The following MPO variants were observed in gnomAD, a reference collection of about 807,000 sequenced individuals.
The protein encoded by MPO is myeloperoxidase.
MPO carries 57 observed loss-of-function variants against 69.4 expected under a neutral mutation model. That is an observed-to-expected ratio of 0.82 (90% CI 0.66 to 1.02). MPO has a LOEUF of 1.02. Ranked by LOEUF, MPO falls within the 50% of genes least tolerant of loss-of-function variation. The probability of loss-of-function intolerance (pLI) is 0.00; values close to 1 mark genes in which losing one functional copy is unlikely to be tolerated. For synonymous variants in MPO, 426 were observed against 417.1 expected (o/e 1.02, Z -0.26); for missense variants, 971 against 1,014.1 (o/e 0.96, Z 0.58).
chr17:58,279,612 G>A lies in MPO; in HGVS notation c.459C>T (p.Ser153=). 1 of 1,614,160 alleles carries A rather than the reference G, an allele frequency of 6.2e-7. No homozygotes were observed. Among genetic ancestry groups the A allele is most frequent in the Non-Finnish European group, 8.5e-7 (1 of 1,180,050 alleles). ...VLTPAQLNVL[S]KSSGCAYQDV... is the part of the protein sequence containing the mutation. ...CCTGGTAGGCGCAGCCGCTTGACTTGGACAACACATTCAGCTGGGCGGGCG... is the reference window on the plus strand; with the variant it reads ...CCTGGTAGGCGCAGCCGCTTGACTTAGACAACACATTCAGCTGGGCGGGCG... Residue 153 remains serine, a synonymous_variant, in exon 4 of 12, where the codon TCC becomes TCT. Transcript: ENST00000225275.
chr17:58,271,716 C>G lies in MPO; in HGVS notation c.1969G>C (p.Val657Leu). 3.1e-6 allele frequency: 5 copies of G among 1,614,014 alleles called. No individual in the cohort carries two copies. The highest frequency in any genetic ancestry group is 4.2e-6 in the Non-Finnish European group (5 of 1,180,042). The stretch of plus-strand genomic sequence containing the variant: ...ATGATGCAGGCGAGGAGTGGGCCCA[C>G]GCGGCCTTTGCGCTTCAGAGGCTCG... ...VSEPLKRKGR[V>L]GPLLACIIGT... Residue 657 changes from valine to leucine, a missense_variant, in exon 11 of 12, where the codon GTG (valine) becomes CTG (leucine). By Grantham distance (32) the Val-to-Leu change is conservative. Coordinates refer to ENST00000225275, the MANE Select transcript of MPO (RefSeq NM_000250.2).
At chr17:58,274,053 T>C (rs1970403318) in intron 8 of MPO, 1 of 412,346 alleles carries the variant, frequency 2.4e-6, no homozygotes, top group African/African-American at 2.1e-5. Context: ...GCAACTATCT[T>C]ATAAAGTCCT....
In MPO at chr17:58,270,828, T is replaced by C; in HGVS notation, c.2066A>G (p.Gln689Arg). The C allele has an allele frequency of 6.2e-7, 1 of 1,613,848 alleles. No individual in the cohort carries two copies. The highest frequency in any genetic ancestry group is 8.5e-7 in the Non-Finnish European group (1 of 1,180,026). ...GATCTGGGCCAGGGCCTGTCGCTGC[T>C]GCATGCTGAACACACCCTCGTTCTC... is the stretch of plus-strand genomic sequence containing the variant. ...WWENEGVFSM[Q>R]QRQALAQISL... The change falls in exon 12 of 12, where the codon CAG becomes CGG. Residue 689 changes from glutamine to arginine, a missense_variant. By Grantham distance (43) the Gln-to-Arg change is conservative (BLOSUM62 1). Coordinates refer to ENST00000225275, the MANE Select transcript of MPO (RefSeq NM_000250.2). This position sits in a 1 kb window ranked among gnomAD's most constrained non-coding sequence, Gnocchi z 4.1.
chr17:58,274,081 G>T, intron 8 of MPO: 4 of 442,418 alleles, frequency 9.0e-6, no homozygotes, highest in South Asian at 6.5e-5. Context: ...AAGGGAAATT[G>T]AAGTTGTTGA....
At chr17:58,278,547 T>C (rs1310986810) in intron 6 of MPO, among the ~76,000 whole-genome samples, 1 of 152,076 alleles carries the variant, frequency 6.6e-6, no homozygotes, top group Admixed American at 6.6e-5. Context: ...TCGACCACCC[T>C]GCCCACTCCC....
rs1435559140 is a variant in MPO at position 58,270,537 on chromosome 17, A to G, written c.*119T>C. On this transcript the variant is annotated 3_prime_UTR_variant, in exon 12 of 12. Coordinates refer to ENST00000225275, the MANE Select transcript of MPO (RefSeq NM_000250.2). The surrounding 1 kb of genome is among the most constrained non-coding windows in gnomAD (Gnocchi z 4.1). ...TGAGCACACAAATGAACGTCTAGTCACTCATTTTCTCAGCTGCACCCAGAA... is the reference window on the plus strand; with the variant it reads ...TGAGCACACAAATGAACGTCTAGTCGCTCATTTTCTCAGCTGCACCCAGAA... 2.4e-6 allele frequency: 2 copies of G among 834,292 alleles called. No individual in the cohort carries two copies. The highest frequency in any genetic ancestry group is 4.0e-5 in the Admixed American group (2 of 49,870). 51.7% of individuals were successfully genotyped at this position (834,292 alleles called of 1,614,324 possible).
In MPO at chr17:58,270,435, A is replaced by G; in HGVS notation, c.*221T>C. 6.9e-6 allele frequency: 4 copies of G among 580,206 alleles called. No homozygotes were observed. The highest frequency in any genetic ancestry group is 5.0e-5 in the Admixed American group (2 of 40,104). 35.9% of individuals were successfully genotyped at this position (580,206 alleles called of 1,614,324 possible). A position where few individuals can be genotyped will look rare whatever the true frequency, so the allele number is the denominator to read the frequency against. ...ACACACTCACATAAATGGCACATACACATAACCCATGAAACACTCCCCATG... is the reference window on the plus strand; with the variant it reads ...ACACACTCACATAAATGGCACATACGCATAACCCATGAAACACTCCCCATG... On this transcript the variant is annotated 3_prime_UTR_variant, in exon 12 of 12. Coordinates refer to ENST00000225275, the MANE Select transcript of MPO (RefSeq NM_000250.2). This position sits in a 1 kb window ranked among gnomAD's most constrained non-coding sequence, Gnocchi z 4.1.
chr17:58,271,619 G>A (rs771269054), intron 11 of MPO, 36 bp downstream of exon 11: 1 of 1,603,306 alleles, frequency 6.2e-7, no homozygotes, highest in Admixed American at 1.7e-5. Context: ...TGGGCCCACA[G>A]CCACCCAGCG....
chr17:58,279,666 T>TG lies in MPO; in HGVS notation c.425-21dup, dbSNP rs1358172885. The TG allele has an allele frequency of 1.9e-6, 3 of 1,613,816 alleles. No homozygotes were observed. Among genetic ancestry groups the TG allele is most frequent in the Admixed American group, 1.7e-5 (1 of 59,994 alleles). On this transcript the variant is annotated intron_variant, in intron 3 of 11. Coordinates refer to ENST00000225275, the MANE Select transcript of MPO (RefSeq NM_000250.2). ...GCACATCTGCCGGGGGAAAGAACAA[T>TG]GGGGGAGCTGAGCCGCCTCACTTCC...
Position 58,272,815 on chromosome 17 carries a change from C to A in MPO, c.1725G>T (p.Gln575His), listed in dbSNP as rs1226246871. ...VDEIRERLFE[Q>H]VMRIGLDLPA... ...GCAGGTCCAGCCCAATCCTCATGAC[C>A]TGCTCAAACAATCGCTCCCGGATCT... Residue 575 changes from glutamine to histidine, a missense_variant, in exon 10 of 12, where the codon CAG becomes CAT. Physicochemically the swap from Gln to His is conservative, Grantham distance 24 (BLOSUM62 0). Transcript: ENST00000225275. 1 of 1,614,232 alleles carries A rather than the reference C, an allele frequency of 6.2e-7. No individual in the cohort carries two copies. The highest frequency in any genetic ancestry group is 1.7e-5 in the Admixed American group (1 of 60,036).
chr17:58,275,503 C>T lies in MPO; in HGVS notation c.1365+39G>A. The stretch of plus-strand genomic sequence containing the variant: ...ACACAGCTAGGATGTTGCAGGGACA[C>T]ATCTGGATCCCGTGTGCCCGGTGTT... On this transcript the variant is annotated intron_variant, in intron 8 of 11. Coordinates refer to ENST00000225275, the MANE Select transcript of MPO (RefSeq NM_000250.2). The surrounding 1 kb of genome is among the most constrained non-coding windows in gnomAD (Gnocchi z 4.1). 13 of 1,613,812 alleles carry T rather than the reference C, an allele frequency of 8.1e-6. No individual in the cohort carries two copies. Among genetic ancestry groups the T allele is most frequent in the Non-Finnish European group, 1.1e-5 (13 of 1,179,830 alleles).
chr17:58,277,522 C>A (rs1265063391), intron 7 of MPO, among the ~76,000 whole-genome samples: 3 of 152,178 alleles, frequency 2.0e-5, no homozygotes, highest in Non-Finnish European at 4.4e-5. Flanking sequence ...GGATTTGACT[C>A]TCTTGTCTTC....
chr17:58,277,832 A>G lies in MPO; in HGVS notation c.1199T>C (p.Leu400Pro). ...GTCCCCACCCCAAAGCTGACCTGCC[A>G]GGAAGCAGGGGATGCGCGCTGAGCG... ...TNRSARIPCF[L>P]AGDTRSSEMP... Residue 400 changes from leucine to proline, a missense_variant, in exon 7 of 12, where the codon CTG becomes CCG. By Grantham distance (98) the Leu-to-Pro change is moderately conservative. Transcript: ENST00000225275. 1 of 1,602,982 alleles carries G rather than the reference A, an allele frequency of 6.2e-7. No individual in the cohort carries two copies. The highest frequency in any genetic ancestry group is 8.5e-7 in the Non-Finnish European group (1 of 1,179,982).
chr17:58,277,916 T>A lies in MPO; in HGVS notation c.1115A>T (p.Asn372Ile). Residue 372 changes from asparagine (N) to isoleucine (I), a missense_variant, in exon 7 of 12, where the codon AAC becomes ATC. Transcript: ENST00000225275. ...LLAVNQRFQD[N>I]GRALLPFDNL... ...GTCAAAGGGCAGCAGGGCCCGGCCGTTGTCTTGGAAGCGCTGGTTGACGGC... is the reference window on the plus strand; with the variant it reads ...GTCAAAGGGCAGCAGGGCCCGGCCGATGTCTTGGAAGCGCTGGTTGACGGC... 6.2e-7 allele frequency: 1 copy of A among 1,612,412 alleles called. No homozygotes were observed. Among genetic ancestry groups the A allele is most frequent in the South Asian group, 1.1e-5 (1 of 91,078 alleles).
chr17:58,273,522 T>G lies in MPO; in HGVS notation c.1513A>C (p.Ile505Leu), dbSNP rs755125440. 6.2e-7 allele frequency: 1 copy of G among 1,614,176 alleles called. No homozygotes were observed. Among genetic ancestry groups the G allele is most frequent in the South Asian group, 1.1e-5 (1 of 91,076 alleles). Residue 505 changes from isoleucine (I) to leucine (L), a missense_variant, in exon 9 of 12, where the codon ATC becomes CTC. Ile to Leu is a conservative substitution (Grantham distance 5). Coordinates refer to ENST00000225275, the MANE Select transcript of MPO (RefSeq NM_000250.2). ...TCCAGGCGGAACATGAAGGGTTGGA[T>G]GAGGGTGTGGCCGTAGCGGAAGGCA... ...TNAFRYGHTL[I>L]QPFMFRLDNR...
rs1970430482 is a variant in MPO, at chr17:58,275,859, G to A, written c.1205-157C>T. 6.6e-6 allele frequency among the ~76,000 whole-genome samples: 1 copy of A among 152,068 alleles called. No individual in the cohort carries two copies. The highest frequency in any genetic ancestry group is 2.4e-5 in the African/African-American group (1 of 41,398). On this transcript the variant is annotated intron_variant, in intron 7 of 11. Coordinates refer to ENST00000225275, the MANE Select transcript of MPO (RefSeq NM_000250.2). The surrounding 1 kb of genome is among the most constrained non-coding windows in gnomAD (Gnocchi z 4.1). Reference sequence around the variant, plus strand: ...ACTATCCCCAATTTACACTCCTCTAGGAGGCCTTCCCTGATGCCCCAGTCC... The same window carrying A: ...ACTATCCCCAATTTACACTCCTCTAAGAGGCCTTCCCTGATGCCCCAGTCC...
In MPO at chr17:58,272,767, G is replaced by A. The variant is rs1431075490; in HGVS notation, c.1773C>T (p.Ser591=). 2 of 1,614,094 alleles carry A rather than the reference G, an allele frequency of 1.2e-6. No homozygotes were observed. Among genetic ancestry groups the A allele is most frequent in the South Asian group, 2.2e-5 (2 of 91,086 alleles). Residue 591 remains serine, a synonymous_variant, in exon 10 of 12, where the codon AGC becomes AGT. Coordinates refer to ENST00000225275, the MANE Select transcript of MPO (RefSeq NM_000250.2). ...LDLPALNMQR[S]RDHGLPGYNA... is the part of the protein sequence containing the mutation. The stretch of plus-strand genomic sequence containing the variant: ...CCTCACCTGGGAGGCCGTGGTCCCT[G>A]CTGCGCTGCATGTTCAGAGCAGGCA...
Position 58,270,624 on chromosome 17 carries a change from A to G in MPO, c.*32T>C. ...GGTTCCAACTGGCCAGCCCAGATAT[A>G]CCCCTCACTGCTGCACCCCCTTACC... On this transcript the variant is annotated 3_prime_UTR_variant, in exon 12 of 12. Transcript: ENST00000225275. The surrounding 1 kb of genome is among the most constrained non-coding windows in gnomAD (Gnocchi z 4.1). The G allele has an allele frequency of 6.4e-7, 1 of 1,560,390 alleles. No individual in the cohort carries two copies. Among genetic ancestry groups the G allele is most frequent in the African/African-American group, 1.4e-5 (1 of 73,628 alleles).
intron 8 of MPO, chr17:58,274,179 G>T: frequency 2.0e-6 from 1 of 501,118 alleles, no homozygotes; most frequent in Non-Finnish European, 4.0e-6. Context: ...GGAACGAAGG[G>T]CCATTCTGGC....
Sources: gnomAD v4.1 joint callset for allele counts (sites outside exome capture counted in the v4.1 genomes callset) on GRCh38, gnomAD v4.1.1 for gene constraint, Gnocchi (gnomAD v3.1) non-coding constraint, MANE v1.5 for transcripts, NCBI Gene and HGNC (gene_info 2026-07-23, HGNC 2026-07-21) for gene names.